The following TTC34 variants were observed in gnomAD, a reference collection of about 807,000 sequenced individuals.
TTC34 encodes the protein tetratricopeptide repeat protein 34.
TTC34 carries 44 observed loss-of-function variants against 40.7 expected under a neutral mutation model. The ratio of observed to expected loss-of-function variants is 1.08; its 90% CI spans 0.85 to 1.39. TTC34 has a LOEUF of 1.39. TTC34 is among the 40% of genes most tolerant of loss of function. The pLI, the probability that TTC34 is intolerant of heterozygous loss-of-function variation, is 0.00. For synonymous variants in TTC34, 422 were observed against 398.6 expected, an observed-to-expected ratio of 1.06 and a Z score of -0.70; for missense variants, 884 against 838.0, an observed-to-expected ratio of 1.05 and a Z score of -0.68.
intron 6 of TTC34, among the ~76,000 whole-genome samples, chr1:2,691,265 C>G (rs1312570790): frequency 2.5e-5 from 2 of 81,480 alleles, no homozygotes; most frequent in African/African-American, 3.9e-5. Context: ...CCCACACCCC[C>G]AGGTGAGAAT....
chr1:2,690,076 AC>A (rs991262791), intron 6 of TTC34, among the ~76,000 whole-genome samples: 4 of 140,454 alleles, frequency 2.8e-5, no homozygotes, highest in African/African-American at 1.1e-4. Context: ...CGAGCATCTG[AC>A]GGCCTGGAAC....
At chr1:2,791,754 T>C (rs1298477336) in intron 2 of TTC34, among the ~76,000 whole-genome samples, 3 of 152,096 alleles carry the variant, frequency 2.0e-5, no homozygotes, top group Non-Finnish European at 4.4e-5. Context: ...GGAGAACCCT[T>C]GGGACCTGAG....
At chr1:2,693,190 A>T (rs1270133973) in intron 6 of TTC34, among the ~76,000 whole-genome samples, 1 of 111,012 alleles carries the variant, frequency 9.0e-6, no homozygotes, top group Non-Finnish European at 1.8e-5. Context: ...CCACACCCCC[A>T]GGTGCGCATC....
intron 6 of TTC34, among the ~76,000 whole-genome samples, chr1:2,697,564 ACCCC>A (rs1640923813): frequency 2.0e-5 from 3 of 151,968 alleles, no homozygotes; most frequent in Admixed American, 6.5e-5. Context: ...CCGCACCCAC[ACCCC>A]CAGGTGAGCA....
chr1:2,778,602 C>G (rs753762351), intron 6 of TTC34, among the ~76,000 whole-genome samples: 1 of 152,194 alleles, frequency 6.6e-6, no homozygotes, highest in Non-Finnish European at 1.5e-5. Flanking sequence ...TGCATTCACC[C>G]GAGGTTGATG....
intron 6 of TTC34, among the ~76,000 whole-genome samples, chr1:2,753,255 C>A (rs1641386089): frequency 4.4e-5 from 5 of 112,474 alleles, no homozygotes; most frequent in Non-Finnish European, 7.0e-5. Flanking sequence ...AGCACCCACA[C>A]CCCAGGTGAG....
At chr1:2,683,206 T>G (rs1298437405) in intron 6 of TTC34, among the ~76,000 whole-genome samples, 30 of 136,672 alleles carry the variant, frequency 2.2e-4, no homozygotes, top group African/African-American at 5.8e-4. Context: ...GGCGAGCATC[T>G]GAGAGCCTGG....
At chr1:2,650,901 C>G (rs12732266) in intron 6 of TTC34, among the ~76,000 whole-genome samples, 51,827 of 150,798 alleles carry the variant, frequency 0.34, 9,951 homozygotes, top group Non-Finnish European at 0.44. Context: ...GCAACAGCAC[C>G]CACACCCCCA....
chr1:2,784,833 T>C (rs1643553328), intron 5 of TTC34, among the ~76,000 whole-genome samples: 1 of 152,280 alleles, frequency 6.6e-6, no homozygotes. Flanking sequence ...TGAAACAGTT[T>C]GTGCCTTCAG....
rs2100632155 is a variant in TTC34, at chr1:2,791,701, G to A, written c.785-1355C>T. Among the ~76,000 whole-genome samples, 4 of 152,218 alleles carry A rather than the reference G, an allele frequency of 2.6e-5. 1 individual carries two copies. The South Asian group carries it at 8.3e-4, about 32-fold the overall frequency. ...GACCCTTGAACACAACATTACCCCT[G>A]ATTTTTGCAGTGGCTCATGGATCCG... On this transcript the variant is annotated intron_variant, in intron 2 of 8. Transcript: ENST00000401095.
At position 2,645,299 on chromosome 1, in the gene TTC34, C is replaced by T. The variant is rs1458602412; in HGVS notation, c.2491G>A (p.Ala831Thr). Reference sequence around the variant, plus strand: ...CCTTGGGGCCGCCGCATACCCTGTGCCATGAGAATGTCTGCCAGGAGGAGG... The same window carrying T: ...CCTTGGGGCCGCCGCATACCCTGTGTCATGAGAATGTCTGCCAGGAGGAGG... Residue 831 changes from alanine (A) to threonine (T), a missense_variant, in exon 7 of 9, where the codon GCA (alanine) becomes ACA (threonine). Transcript: ENST00000401095. This position sits in a 1 kb window ranked among gnomAD's most constrained non-coding sequence, Gnocchi z 4.7. 4 of 1,490,664 alleles carry T rather than the reference C, an allele frequency of 2.7e-6. No individual in the cohort carries two copies. Among genetic ancestry groups the T allele is most frequent in the Admixed American group, 2.2e-5 (1 of 45,588 alleles). 92.3% of individuals were successfully genotyped at this position (1,490,664 alleles called of 1,614,324 possible).
At chr1:2,750,699 ATC>A (rs1641290184) in intron 6 of TTC34, among the ~76,000 whole-genome samples, 1 of 140,194 alleles carries the variant, frequency 7.1e-6, no homozygotes, top group African/African-American at 2.7e-5. Context: ...CCAAGTGAGC[ATC>A]CGACAGCCTG....
At chr1:2,694,883 C>G (rs1459540676) in intron 6 of TTC34, among the ~76,000 whole-genome samples, 1 of 108,964 alleles carries the variant, frequency 9.2e-6, no homozygotes. Flanking sequence ...CACAGGTGAG[C>G]ATCCGACAGC....
intron 6 of TTC34, among the ~76,000 whole-genome samples, chr1:2,690,459 A>AACCCAGGAGAGCATCTGACAGCCCG (rs1640566616): frequency 3.8e-5 from 4 of 105,930 alleles, no homozygotes; most frequent in East Asian, 6.7e-4. Flanking sequence ...AGCACCCACA[A>AACCCAGGAGAGCATCTGACAGCCCG]CCACAGGTGA....
At chr1:2,767,766 C>A (rs567142581) in intron 6 of TTC34, among the ~76,000 whole-genome samples, 1 of 148,588 alleles carries the variant, frequency 6.7e-6, no homozygotes, top group African/African-American at 2.5e-5. Flanking sequence ...GCACCCTGCA[C>A]CCCCAGTTGA....
intron 6 of TTC34, among the ~76,000 whole-genome samples, chr1:2,750,155 AAC>A (rs1641267891): frequency 0.07 from 6,151 of 87,548 alleles, no homozygotes; most frequent in Middle Eastern, 0.14. Flanking sequence ...CGTGGAGCAG[AAC>A]AAACACCCCC....
At chr1:2,688,015 G>A (rs1460349681) in intron 6 of TTC34, among the ~76,000 whole-genome samples, 9 of 119,416 alleles carry the variant, frequency 7.5e-5, no homozygotes, top group East Asian at 5.4e-4. Flanking sequence ...ACCCCCAGGC[G>A]AGCATCTGAC....
chr1:2,759,468 GCACCCCACACCCC>G (rs2100457148), intron 6 of TTC34, among the ~76,000 whole-genome samples: 1 of 87,300 alleles, frequency 1.1e-5, no homozygotes, highest in Non-Finnish European at 2.2e-5. Flanking sequence ...GCCTGGAGCA[GCACCCCACACCCC>G]CAGGTGAGCA....
intron 8 of TTC34, among the ~76,000 whole-genome samples, chr1:2,643,750 TTC>T (rs1291575381): frequency 1.3e-5 from 2 of 152,174 alleles, no homozygotes; most frequent in Admixed American, 6.5e-5. Context: ...CTAGTGTGGT[TTC>T]TGTTTTCCTA....
Sources: gnomAD v4.1 joint callset for allele counts (sites outside exome capture counted in the v4.1 genomes callset) on GRCh38, gnomAD v4.1.1 for gene constraint, Gnocchi (gnomAD v3.1) non-coding constraint, MANE v1.5 for transcripts, NCBI Gene and HGNC (gene_info 2026-07-23, HGNC 2026-07-21) for gene names.